The following MELK variants were observed in gnomAD, a reference collection of about 807,000 sequenced individuals.
MELK encodes the protein maternal embryonic leucine zipper kinase.
Under a neutral mutation model 85.0 loss-of-function variants are expected in MELK, and 81 were observed. That is an observed-to-expected ratio of 0.95 (90% CI 0.80 to 1.15). The LOEUF (loss-of-function observed/expected upper bound fraction) is 1.15. MELK is among the 50% of genes most tolerant of loss of function. The pLI, the probability that MELK is intolerant of heterozygous loss-of-function variation, is 0.00. For missense variants in MELK, 754 were observed against 777.5 expected, an observed-to-expected ratio of 0.97 and a Z score of 0.36; for synonymous variants, 252 against 265.0, an observed-to-expected ratio of 0.95 and a Z score of 0.48.
At chr9:36,651,557 TA>T (rs1004666552) in intron 11 of MELK, among the ~76,000 whole-genome samples, 188 bp from the exon 12 acceptor site, 10 of 152,162 alleles carry the variant, frequency 6.6e-5, no homozygotes, top group Non-Finnish European at 1.5e-5. Context: ...AGTTGTTCCT[TA>T]GGGGGAGTGG....
chr9:36,626,596 G>A (rs554857266), intron 8 of MELK, among the ~76,000 whole-genome samples: 5 of 152,126 alleles, frequency 3.3e-5, no homozygotes, highest in African/African-American at 1.2e-4. Context: ...TTTCCCTGTG[G>A]CTGGTTACAG....
chr9:36,658,142 T>G (rs1194402786), intron 13 of MELK, among the ~76,000 whole-genome samples: 1 of 152,114 alleles, frequency 6.6e-6, no homozygotes, highest in Non-Finnish European at 1.5e-5. Context: ...ATTGTGACTT[T>G]AAGTTTGTTG....
intron 13 of MELK, among the ~76,000 whole-genome samples, chr9:36,660,950 C>T (rs1831747556): frequency 6.6e-6 from 1 of 152,086 alleles, no homozygotes; most frequent in Non-Finnish European, 1.5e-5. Context: ...GAGTTCACGC[C>T]ATTACACTCC....
chr9:36,604,958 A>T lies in MELK; in HGVS notation c.568-2617A>T, dbSNP rs562375587. Among the ~76,000 whole-genome samples the T allele has an allele frequency of 3.8e-3, 566 of 147,682 alleles. 2 individuals carry two copies. The highest frequency in any genetic ancestry group is 0.013 in the African/African-American group (498 of 39,732). On this transcript the variant is annotated intron_variant, in intron 7 of 17. Coordinates refer to ENST00000298048, the MANE Select transcript of MELK (RefSeq NM_014791.4). ...GCGCCCAGCCATTATTTATTTATTT[A>T]TTTTTTTGAGACGAAGTCTTGCTCT...
At chr9:36,573,453 T>TC (rs1821293393) in intron 1 of MELK, among the ~76,000 whole-genome samples, 1 of 152,108 alleles carries the variant, frequency 6.6e-6, no homozygotes, top group African/African-American at 2.4e-5. Flanking sequence ...ATCCATCCTC[T>TC]CCTATCATCT....
intron 8 of MELK, among the ~76,000 whole-genome samples, chr9:36,621,275 GAAAAAAAAAAAAAAAAAAAAAAAA>G (rs74181196): frequency 0.011 from 355 of 32,452 alleles, 7 homozygotes; most frequent in Non-Finnish European, 0.02. Context: ...CTGTCTCAGG[GAAAAAAAAAAAAAAAAAAAAAAAA>G]AAAAAAAAAA....
chr9:36,636,080 C>T (rs1829111378), intron 10 of MELK, among the ~76,000 whole-genome samples: 1 of 151,944 alleles, frequency 6.6e-6, no homozygotes, highest in Admixed American at 6.6e-5. Flanking sequence ...AGCCACTGTG[C>T]CTGGCCTTAA....
rs887665068 is a variant in MELK at position 36,677,295 on chromosome 9, C to T, written c.1914C>T (p.Tyr638=). ...RQRLKGDAWV[Y]KRLVEDILSS... is the part of the protein sequence containing the mutation. ...GGCTTAAGGGCGATGCCTGGGTTTA[C>T]AAAAGATTAGTGGAAGACATCCTAT... The change falls in exon 18 of 18, where the codon TAC becomes TAT. Residue 638 remains tyrosine, a synonymous_variant. Coordinates refer to ENST00000298048, the MANE Select transcript of MELK (RefSeq NM_014791.4). The T allele has an allele frequency of 6.2e-7, 1 of 1,613,852 alleles. No homozygotes were observed. The highest frequency in any genetic ancestry group is 8.5e-7 in the Non-Finnish European group (1 of 1,179,900).
At chr9:36,613,281 C>T (rs1308440779) in intron 8 of MELK, among the ~76,000 whole-genome samples, 1 of 152,206 alleles carries the variant, frequency 6.6e-6, no homozygotes, top group Admixed American at 6.5e-5. Context: ...AAGACAACCA[C>T]TTGTTTATGT....
At chr9:36,655,074 C>T (rs973084600) in intron 12 of MELK, among the ~76,000 whole-genome samples, 2 of 152,200 alleles carry the variant, frequency 1.3e-5, no homozygotes, top group Non-Finnish European at 2.9e-5. Flanking sequence ...CCAAGAATCA[C>T]AAATAACCAC....
chr9:36,583,654 G>C lies in MELK; in HGVS notation c.86G>C (p.Cys29Ser), dbSNP rs763553481. ...TGGFAKVKLA[C>S]HILTGEMVAI... ...GGCTTTGCAAAGGTCAAACTTGCCTGCCATATCCTTACTGGAGAGATGGTA... is the reference window on the plus strand; with the variant it reads ...GGCTTTGCAAAGGTCAAACTTGCCTCCCATATCCTTACTGGAGAGATGGTA... The change falls in exon 3 of 18, where the codon TGC becomes TCC. Residue 29 changes from cysteine (C) to serine (S), a missense_variant. Coordinates refer to ENST00000298048, the MANE Select transcript of MELK (RefSeq NM_014791.4). The C allele has an allele frequency of 6.2e-7, 1 of 1,612,536 alleles. No individual in the cohort carries two copies. The highest frequency in any genetic ancestry group is 8.5e-7 in the Non-Finnish European group (1 of 1,179,076).
intron 16 of MELK, 152 bp from the exon 17 acceptor site, chr9:36,674,682 A>G (rs972668672): frequency 2.2e-6 from 1 of 460,428 alleles, no homozygotes; most frequent in Non-Finnish European, 3.9e-6. Context: ...TAACTCACTA[A>G]GAGTTGACTG....
intron 11 of MELK, among the ~76,000 whole-genome samples, chr9:36,650,758 A>G (rs1038292503): frequency 6.6e-6 from 1 of 152,248 alleles, no homozygotes; most frequent in Admixed American, 6.5e-5. Flanking sequence ...ACATTGTAAG[A>G]TAGAGGTGAA....
Position 36,666,900 on chromosome 9 carries a change from TGTGTGTGA to T in MELK, c.1408+1320_1408+1327del, listed in dbSNP as rs1425233549. 3.9e-4 allele frequency among the ~76,000 whole-genome samples: 42 copies of T among 108,742 alleles called. No individual in the cohort carries two copies. In the South Asian group the frequency reaches 6.0e-3, roughly 16 times the overall value. The allele number at this position is 108,742 out of a possible 152,430, so 71.3% of individuals were successfully genotyped here. A position where few individuals can be genotyped will look rare whatever the true frequency, so the allele number is the denominator to read the frequency against. Reference sequence around the variant, plus strand: ...GTGTGTGTGTGTGTGTGTGTGTGTGTGTGTGTGATGGTGTGTGTGTGGGGGGGTGCGGT... The same window carrying T: ...GTGTGTGTGTGTGTGTGTGTGTGTGTTGGTGTGTGTGTGGGGGGGTGCGGT... On this transcript the variant is annotated intron_variant, in intron 14 of 17. Transcript: ENST00000298048.
At chr9:36,671,554 A>C (rs1832890874) in intron 16 of MELK, among the ~76,000 whole-genome samples, 1 of 152,136 alleles carries the variant, frequency 6.6e-6, no homozygotes, top group South Asian at 2.1e-4. Context: ...AATGCATGGG[A>C]AGATAATTGG....
At chr9:36,586,716 C>T (rs1022237770) in intron 3 of MELK, among the ~76,000 whole-genome samples, 2 of 152,180 alleles carry the variant, frequency 1.3e-5, no homozygotes, top group Non-Finnish European at 2.9e-5. Flanking sequence ...TGTTATCACA[C>T]TGATGCTCAA....
intron 3 of MELK, among the ~76,000 whole-genome samples, chr9:36,584,432 C>G (rs1465424043): frequency 6.6e-6 from 1 of 150,988 alleles, no homozygotes; most frequent in African/African-American, 2.4e-5. Flanking sequence ...ATTCTCCTGC[C>G]TCAGCCTCCT....
chr9:36,578,290 A>G (rs1821853925), intron 1 of MELK, among the ~76,000 whole-genome samples: 2 of 150,854 alleles, frequency 1.3e-5, no homozygotes, highest in African/African-American at 4.9e-5. Context: ...TCCCAGCTCC[A>G]GAGCTGCATT....
chr9:36,667,912 T>A (rs1832538530), intron 14 of MELK, among the ~76,000 whole-genome samples: 1 of 151,936 alleles, frequency 6.6e-6, no homozygotes, highest in Admixed American at 6.6e-5. Context: ...GGATTACAGG[T>A]GCGCACCACC....
Sources: gnomAD v4.1 joint callset for allele counts (sites outside exome capture counted in the v4.1 genomes callset) on GRCh38, gnomAD v4.1.1 for gene constraint, MANE v1.5 for transcripts, NCBI Gene and HGNC (gene_info 2026-07-23, HGNC 2026-07-21) for gene names.